KCNQ1: variants seen among roughly 807,000 people sequenced by gnomAD.
The protein encoded by KCNQ1 is potassium voltage-gated channel subfamily KQT member 1.
Under a neutral mutation model 72.4 loss-of-function variants are expected in KCNQ1, and 49 were observed. The observed-to-expected ratio is 0.68, with a 90% CI of 0.54 to 0.86. The LOEUF is 0.86. Among genes scored for constraint, KCNQ1 ranks in the 40% least tolerant of loss-of-function variants. The pLI is 0.00. For synonymous variants in KCNQ1, 450 were observed against 412.6 expected, an observed-to-expected ratio of 1.09 and a Z score of -1.10; for missense variants, 790 against 945.1, an observed-to-expected ratio of 0.84 and a Z score of 2.15.
intron 11 of KCNQ1, chr11:2,685,162 G>T (rs1343437619): frequency 1.0e-5 from 4 of 398,572 alleles, no homozygotes; most frequent in South Asian, 1.3e-4. Context: ...GCCTGGAGAG[G>T]ATCCCCATCT....
In KCNQ1 at chr11:2,715,334, C is replaced by T. The variant is rs1851074978; in HGVS notation, c.1514+53253C>T. ...CCTGCGGGCTGTGTCATGGAGGGCC[C>T]TTACCCCGGAGGAGCCAGGAAGGTG... On this transcript the variant is annotated intron_variant, in intron 11 of 15. Coordinates refer to ENST00000155840, the MANE Select transcript of KCNQ1 (RefSeq NM_000218.3). The surrounding 1 kb of genome is among the most constrained non-coding windows in gnomAD (Gnocchi z 4.9). Among the ~76,000 whole-genome samples the T allele has an allele frequency of 6.6e-6, 1 of 152,076 alleles. No individual in the cohort carries two copies. The highest frequency in any genetic ancestry group is 1.5e-5 in the Non-Finnish European group (1 of 68,000).
chr11:2,599,406 C>A lies in KCNQ1; in HGVS notation c.1393+10552C>A, dbSNP rs1468324839. ...TCAATTCTATTCTAAAATTTATAAT[C>A]TCTGCTTAATTTCCTTTGGTGTACA... On this transcript the variant is annotated intron_variant, in intron 10 of 15. Transcript: ENST00000155840. This position sits in a 1 kb window ranked among gnomAD's most constrained non-coding sequence, Gnocchi z 4.7. Among the ~76,000 whole-genome samples, 3 of 152,068 alleles carry A rather than the reference C, an allele frequency of 2.0e-5. No homozygotes were observed. Among genetic ancestry groups the A allele is most frequent in the African/African-American group, 4.8e-5 (2 of 41,402 alleles).
In KCNQ1 at chr11:2,652,879, T is replaced by TTGGGGTG. The variant is rs1439182251; in HGVS notation, c.1394-9071_1394-9065dup. ...CTATACTTATTCTAAGGAGAAGTGT[T>TTGGGGTG]TGGGGTGTGGGGTGTGGTCCTCAGT... On this transcript the variant is annotated intron_variant, in intron 10 of 15. Coordinates refer to ENST00000155840, the MANE Select transcript of KCNQ1 (RefSeq NM_000218.3). This position sits in a 1 kb window ranked among gnomAD's most constrained non-coding sequence, Gnocchi z 5.9. 3.5e-5 allele frequency: 14 copies of TTGGGGTG among 398,540 alleles called. No homozygotes were observed. The highest frequency in any genetic ancestry group is 2.9e-4 in the African/African-American group (14 of 48,614). 24.7% of individuals were successfully genotyped at this position (398,540 alleles called of 1,614,324 possible).
chr11:2,577,243 ACAGT>A (rs1848435634), intron 6 of KCNQ1, among the ~76,000 whole-genome samples: 1 of 152,152 alleles, frequency 6.6e-6, no homozygotes, highest in South Asian at 2.1e-4. Context: ...TCTCTCTGTC[ACAGT>A]CAGGAGCGAG....
chr11:2,751,695 T>C (rs1488840825), intron 11 of KCNQ1, among the ~76,000 whole-genome samples: 2 of 152,192 alleles, frequency 1.3e-5, no homozygotes, highest in African/African-American at 4.8e-5. Flanking sequence ...GTTACCATGG[T>C]TTTTAAATTA....
Position 2,461,302 on chromosome 11 carries a change from G to A in KCNQ1, c.386+15818G>A, listed in dbSNP as rs971609095. 1.9e-5 allele frequency: 14 copies of A among 722,230 alleles called. No homozygotes were observed. In the East Asian group the frequency reaches 2.6e-4, roughly 14 times the overall value. 44.7% of individuals were successfully genotyped at this position (722,230 alleles called of 1,614,324 possible). On this transcript the variant is annotated intron_variant, in intron 1 of 15. Transcript: ENST00000155840. ...CTTGGAGAGGATGGCTTCTCAGGCC[G>A]CCTCGCAGCAGATTTGTAGTCTGGT...
At chr11:2,846,140 A>T (rs1848323084) in intron 15 of KCNQ1, among the ~76,000 whole-genome samples, 1 of 152,072 alleles carries the variant, frequency 6.6e-6, no homozygotes, top group Non-Finnish European at 1.5e-5. Flanking sequence ...GGCCGGGCGC[A>T]TGAGGGACCA....
rs1383035176 is a variant in KCNQ1 at position 2,620,211 on chromosome 11, A to ATATAT, written c.1393+31358_1393+31359insATATT. ...TAAGTTCATTCATGTATATATATAT[A>ATATAT]TTTTTTTTTTTTATTTTTTTTTTAG... On this transcript the variant is annotated intron_variant, in intron 10 of 15. Transcript: ENST00000155840. This position sits in a 1 kb window ranked among gnomAD's most constrained non-coding sequence, Gnocchi z 4.5. The ATATAT allele has an allele frequency of 0.017, 4,502 of 261,850 alleles. 164 individuals carry two copies. Among genetic ancestry groups the ATATAT allele is most frequent in the African/African-American group, 0.1 (3,861 of 38,024 alleles). 16.2% of individuals were successfully genotyped at this position (261,850 alleles called of 1,614,324 possible).
In KCNQ1 at chr11:2,678,154, G is replaced by A. The variant is rs1029301756; in HGVS notation, c.1514+16073G>A. ...ATCCTCATTTTCCTTAGGTGTTTTG[G>A]CTTTTTCTATAATATTTTTCTGGTG... On this transcript the variant is annotated intron_variant, in intron 11 of 15. Transcript: ENST00000155840. The surrounding 1 kb of genome is among the most constrained non-coding windows in gnomAD (Gnocchi z 4.9). The A allele has an allele frequency of 8.0e-5, 32 of 397,912 alleles. No individual in the cohort carries two copies. Among genetic ancestry groups the A allele is most frequent in the Middle Eastern group, 1.2e-3 (2 of 1,606 alleles). The allele number at this position is 397,912 out of a possible 1,614,324, so 24.6% of individuals were successfully genotyped here.
rs1051372566 is a variant in KCNQ1 at position 2,767,890 on chromosome 11, C to A, written c.1515-954C>A. The stretch of plus-strand genomic sequence containing the variant: ...AGAATCTTTTTCCCTCGTGTCCTGG[C>A]TGTCCTGTGGCCCTGGACTCCACAT... On this transcript the variant is annotated intron_variant, in intron 11 of 15. Coordinates refer to ENST00000155840, the MANE Select transcript of KCNQ1 (RefSeq NM_000218.3). The surrounding 1 kb of genome is among the most constrained non-coding windows in gnomAD (Gnocchi z 4.6). Among the ~76,000 whole-genome samples the A allele has an allele frequency of 4.7e-4, 71 of 152,374 alleles. No individual in the cohort carries two copies. The highest frequency in any genetic ancestry group is 1.7e-3 in the African/African-American group (70 of 41,598).
In KCNQ1 at chr11:2,575,529, G is replaced by A. The variant is rs77446969; in HGVS notation, c.921+2543G>A. On this transcript the variant is annotated intron_variant, in intron 6 of 15. Transcript: ENST00000155840. ...CAAGAAGGGGCAGCAGCCCAGATGGGGGCTTTTAAGCCAGTTTTGCCAATT... is the reference window on the plus strand; with the variant it reads ...CAAGAAGGGGCAGCAGCCCAGATGGAGGCTTTTAAGCCAGTTTTGCCAATT... 5.8e-4 allele frequency among the ~76,000 whole-genome samples: 89 copies of A among 152,358 alleles called. 2 individuals carry two copies. The East Asian group carries it at 0.017, about 28-fold the overall frequency.
intron 10 of KCNQ1, among the ~76,000 whole-genome samples, chr11:2,607,334 T>A (rs916416769): frequency 1.3e-5 from 2 of 152,212 alleles, no homozygotes; most frequent in African/African-American, 2.4e-5. Flanking sequence ...TTTCTGTGTC[T>A]TTTATTCTAT....
chr11:2,718,058 A>G (rs1366478212), intron 11 of KCNQ1, among the ~76,000 whole-genome samples: 1 of 151,460 alleles, frequency 6.6e-6, no homozygotes. Context: ...GGCATGTTCA[A>G]TGTCTGTGGA....
Position 2,486,258 on chromosome 11 carries a change from G to C in KCNQ1, c.386+40774G>C, listed in dbSNP as rs1846739197. ...ATTTTCTTATGAGTAGTGATGTTGAGTATCTTTTCATGCTCTTATTAGCCA... is the reference window on the plus strand; with the variant it reads ...ATTTTCTTATGAGTAGTGATGTTGACTATCTTTTCATGCTCTTATTAGCCA... On this transcript the variant is annotated intron_variant, in intron 1 of 15. Coordinates refer to ENST00000155840, the MANE Select transcript of KCNQ1 (RefSeq NM_000218.3). The surrounding 1 kb of genome is among the most constrained non-coding windows in gnomAD (Gnocchi z 5.0). 6.6e-6 allele frequency among the ~76,000 whole-genome samples: 1 copy of C among 152,152 alleles called. No homozygotes were observed. Among genetic ancestry groups the C allele is most frequent in the South Asian group, 2.1e-4 (1 of 4,824 alleles).
rs965627843 is a variant in KCNQ1 at position 2,683,534 on chromosome 11, A to G, written c.1514+21453A>G. The G allele has an allele frequency of 3.0e-5, 12 of 398,512 alleles. No individual in the cohort carries two copies. The highest frequency in any genetic ancestry group is 4.9e-5 in the Non-Finnish European group (11 of 226,074). 24.7% of individuals were successfully genotyped at this position (398,512 alleles called of 1,614,324 possible). A position where few individuals can be genotyped will look rare whatever the true frequency, so the allele number is the denominator to read the frequency against. ...AGCTTAGTTCAGAGTAAACATTTCT[A>G]AAAAAGAGGTAGAAGCCCCTACCTA... On this transcript the variant is annotated intron_variant, in intron 11 of 15. Coordinates refer to ENST00000155840, the MANE Select transcript of KCNQ1 (RefSeq NM_000218.3). This position sits in a 1 kb window ranked among gnomAD's most constrained non-coding sequence, Gnocchi z 4.7.
chr11:2,677,096 T>G lies in KCNQ1; in HGVS notation c.1514+15015T>G. The G allele has an allele frequency of 2.5e-6, 1 of 398,634 alleles. No individual in the cohort carries two copies. The highest frequency in any genetic ancestry group is 1.3e-4 in the South Asian group (1 of 7,858). 24.7% of individuals were successfully genotyped at this position (398,634 alleles called of 1,614,324 possible). A position where few individuals can be genotyped will look rare whatever the true frequency, so the allele number is the denominator to read the frequency against. On this transcript the variant is annotated intron_variant, in intron 11 of 15. Coordinates refer to ENST00000155840, the MANE Select transcript of KCNQ1 (RefSeq NM_000218.3). The surrounding 1 kb of genome is among the most constrained non-coding windows in gnomAD (Gnocchi z 4.5). ...CATTCAAATATATTCACTACTGAAA[T>G]GACCACTTATGAAATTAGTTTCCCT...
At position 2,661,690 on chromosome 11, in the gene KCNQ1, G is replaced by A. The variant is rs140266979; in HGVS notation, c.1394-271G>A. 46 of 602,028 alleles carry A rather than the reference G, an allele frequency of 7.6e-5. No individual in the cohort carries two copies. The Middle Eastern group carries it at 1.8e-3, about 23-fold the overall frequency. The allele number at this position is 602,028 out of a possible 1,614,324, so 37.3% of individuals were successfully genotyped here. A position where few individuals can be genotyped will look rare whatever the true frequency, so the allele number is the denominator to read the frequency against. ...CAGAACCTGAGGTGGGGAGAGTCTT[G>A]GACACCTGAGCACAGCCCCAGGCAC... is the stretch of plus-strand genomic sequence containing the variant. On this transcript the variant is annotated intron_variant, in intron 10 of 15. Transcript: ENST00000155840. This position sits in a 1 kb window ranked among gnomAD's most constrained non-coding sequence, Gnocchi z 5.9.
rs995761390 is a variant in KCNQ1 at position 2,766,076 on chromosome 11, T to A, written c.1515-2768T>A. Among the ~76,000 whole-genome samples, 3 of 152,234 alleles carry A rather than the reference T, an allele frequency of 2.0e-5. No homozygotes were observed. The highest frequency in any genetic ancestry group is 7.2e-5 in the African/African-American group (3 of 41,472). ...CCAACTCACCTATTGCATTCTTCATTTCCATTATGGTCCTTACTTTTCTGG... is the reference window on the plus strand; with the variant it reads ...CCAACTCACCTATTGCATTCTTCATATCCATTATGGTCCTTACTTTTCTGG... On this transcript the variant is annotated intron_variant, in intron 11 of 15. Transcript: ENST00000155840. This position sits in a 1 kb window ranked among gnomAD's most constrained non-coding sequence, Gnocchi z 4.4.
chr11:2,659,090 G>T lies in KCNQ1; in HGVS notation c.1394-2871G>T. The T allele has an allele frequency of 2.5e-6, 1 of 398,548 alleles. No homozygotes were observed. Among genetic ancestry groups the T allele is most frequent in the Non-Finnish European group, 4.4e-6 (1 of 226,040 alleles). 24.7% of individuals were successfully genotyped at this position (398,548 alleles called of 1,614,324 possible). ...ATCATAGTCTGCTTTTCATCGTAGG[G>T]TCCTCCAACATCCGGGTTAATTTTT... is the stretch of plus-strand genomic sequence containing the variant. On this transcript the variant is annotated intron_variant, in intron 10 of 15. Coordinates refer to ENST00000155840, the MANE Select transcript of KCNQ1 (RefSeq NM_000218.3). The surrounding 1 kb of genome is among the most constrained non-coding windows in gnomAD (Gnocchi z 4.3).
Sources: gnomAD v4.1 joint callset for allele counts (sites outside exome capture counted in the v4.1 genomes callset) on GRCh38, gnomAD v4.1.1 for gene constraint, Gnocchi (gnomAD v3.1) non-coding constraint, MANE v1.5 for transcripts, NCBI Gene and HGNC (gene_info 2026-07-23, HGNC 2026-07-21) for gene names.